The following FAM120A variants were observed in gnomAD, a reference collection of about 807,000 sequenced individuals.
The protein encoded by FAM120A is constitutive coactivator of PPAR-gamma-like protein 1.
In FAM120A, 15 loss-of-function variants were observed where a neutral mutation model predicts 109.7. The observed-to-expected ratio is 0.14, with a 90% CI of 0.09 to 0.21. FAM120A has a LOEUF of 0.21. Ranked by LOEUF, FAM120A falls within the 10% of genes least tolerant of loss-of-function variation. The pLI is 1.00. For missense variants in FAM120A, 899 were observed against 1,439.3 expected (o/e 0.62, Z 6.07); for synonymous variants, 493 against 572.8 (o/e 0.86, Z 1.99).
chr9:93,530,383 C>G (rs183847747), intron 9 of FAM120A: 2 of 152,268 alleles, frequency 1.3e-5, no homozygotes, highest in East Asian at 3.9e-4. Context: ...AACATGAATA[C>G]CTATATGACC....
rs1231535642 is a variant in FAM120A, at chr9:93,518,432, C to CT, written c.1418+2169dup. On this transcript the variant is annotated intron_variant, in intron 7 of 17. Transcript: ENST00000277165. Reference sequence around the variant, plus strand: ...TTATAGTTTAGAAAAAAAGTCACTACTTTTTTACCCTTTGGTTTAGAATTG... The same window carrying CT: ...TTATAGTTTAGAAAAAAAGTCACTACTTTTTTTACCCTTTGGTTTAGAATTG... 2.0e-5 allele frequency among the ~76,000 whole-genome samples: 3 copies of CT among 152,136 alleles called. No homozygotes were observed. In the East Asian group the frequency reaches 5.8e-4, roughly 29 times the overall value.
chr9:93,521,638 A>G (rs1178295570), intron 7 of FAM120A, among the ~76,000 whole-genome samples: 4 of 152,106 alleles, frequency 2.6e-5, no homozygotes, highest in Non-Finnish European at 4.4e-5. Flanking sequence ...TTTCTAAGTA[A>G]TGTCTCCTCC....
intron 12 of FAM120A, among the ~76,000 whole-genome samples, chr9:93,554,172 C>CAT (rs1180068524): frequency 6.8e-6 from 1 of 147,122 alleles, no homozygotes; most frequent in Admixed American, 6.7e-5. Flanking sequence ...CACACACACA[C>CAT]ACACACACTA....
chr9:93,453,232 G>T (rs1009398507), intron 1 of FAM120A: 1 of 996,394 alleles, frequency 1.0e-6, no homozygotes, highest in South Asian at 4.4e-5. Flanking sequence ...GTGACCTTCA[G>T]CGGTGCCCTG....
intron 5 of FAM120A, among the ~76,000 whole-genome samples, chr9:93,511,439 G>T (rs1171516218): frequency 6.6e-6 from 1 of 152,202 alleles, no homozygotes; most frequent in Non-Finnish European, 1.5e-5. Context: ...GGCTTGGCCA[G>T]CCTGACCGGC....
At chr9:93,513,040 G>T (rs1376399124) in intron 5 of FAM120A, among the ~76,000 whole-genome samples, 1 of 152,170 alleles carries the variant, frequency 6.6e-6, no homozygotes, top group Non-Finnish European at 1.5e-5. Flanking sequence ...TTGAATGCGG[G>T]TGCTACATGA....
intron 4 of FAM120A, among the ~76,000 whole-genome samples, chr9:93,497,923 G>C (rs965024019): frequency 6.6e-6 from 1 of 152,238 alleles, no homozygotes; most frequent in African/African-American, 2.4e-5. Context: ...CTGTATTTCA[G>C]AGTTTTCAGA....
At chr9:93,560,933 A>C (rs1437800851) in intron 15 of FAM120A, among the ~76,000 whole-genome samples, 176 bp from the exon 16 acceptor site, 1 of 152,260 alleles carries the variant, frequency 6.6e-6, no homozygotes, top group African/African-American at 2.4e-5. Flanking sequence ...AGTAGTTTAA[A>C]GTCAAACAGT....
Position 93,483,564 on chromosome 9 carries a change from GAAAC to G in FAM120A, c.804+7229_804+7232del, listed in dbSNP as rs200070719. Reference sequence around the variant, plus strand: ...TTCATTTTTATTATAAAAATAATAAGAAACAATTTAATCAGTACAGAAATATGTC... The same window carrying G: ...TTCATTTTTATTATAAAAATAATAAGAATTTAATCAGTACAGAAATATGTC... On this transcript the variant is annotated intron_variant, in intron 3 of 17. Coordinates refer to ENST00000277165, the MANE Select transcript of FAM120A (RefSeq NM_014612.5). Among the ~76,000 whole-genome samples, 948 of 151,972 alleles carry G rather than the reference GAAAC, an allele frequency of 6.2e-3. 12 individuals are homozygous for G. The highest frequency in any genetic ancestry group is 0.021 in the African/African-American group (889 of 41,468).
At chr9:93,477,155 G>C (rs1415181893) in intron 3 of FAM120A, among the ~76,000 whole-genome samples, 2 of 152,142 alleles carry the variant, frequency 1.3e-5, no homozygotes, top group African/African-American at 4.8e-5. Context: ...TTTCCGAAGG[G>C]CTGTAAAATT....
intron 11 of FAM120A, among the ~76,000 whole-genome samples, chr9:93,548,498 A>G (rs1006834466): frequency 6.6e-6 from 1 of 152,184 alleles, no homozygotes; most frequent in African/African-American, 2.4e-5. Flanking sequence ...CTGTGGATGG[A>G]TGATGGTCAT....
chr9:93,458,481 C>A (rs371196115), intron 1 of FAM120A, among the ~76,000 whole-genome samples: 1 of 152,102 alleles, frequency 6.6e-6, no homozygotes, highest in Non-Finnish European at 1.5e-5. Flanking sequence ...TAATGACACA[C>A]CAGGCCAATT....
intron 16 of FAM120A, among the ~76,000 whole-genome samples, chr9:93,561,791 A>G (rs1474720049): frequency 2.0e-5 from 3 of 152,138 alleles, no homozygotes; most frequent in Non-Finnish European, 4.4e-5. Context: ...TAAATAATTA[A>G]CCATACAATT....
chr9:93,474,975 G>T (rs147222567), intron 2 of FAM120A, among the ~76,000 whole-genome samples: 1 of 152,130 alleles, frequency 6.6e-6, no homozygotes. Context: ...GAGCAGTTAC[G>T]GTTCAGATTT....
Position 93,523,455 on chromosome 9 carries a change from TTTATA to T in FAM120A, c.1419-3697_1419-3693del, listed in dbSNP as rs1428396190. On this transcript the variant is annotated intron_variant, in intron 7 of 17. Coordinates refer to ENST00000277165, the MANE Select transcript of FAM120A (RefSeq NM_014612.5). Reference sequence around the variant, plus strand: ...GCTCTTGTTCCAGACAGATATCCACTTTATATTTATGTTTTGACACATGGTACCAT... The same window carrying T: ...GCTCTTGTTCCAGACAGATATCCACTTTTATGTTTTGACACATGGTACCAT... 9 of 302,650 alleles carry T rather than the reference TTTATA, an allele frequency of 3.0e-5. No individual in the cohort carries two copies. In the African/African-American group the frequency reaches 6.3e-4, roughly 21 times the overall value. 18.7% of individuals were successfully genotyped at this position (302,650 alleles called of 1,614,324 possible). A position where few individuals can be genotyped will look rare whatever the true frequency, so the allele number is the denominator to read the frequency against.
Position 93,558,694 on chromosome 9 carries a change from A to G in FAM120A, c.2782A>G (p.Ser928Gly). Reference sequence around the variant, plus strand: ...CGGAGCCTTCTCAGGCAGTGACAGCAGCAGGACTAGCAAGTCCCAGGGCGG... The same window carrying G: ...CGGAGCCTTCTCAGGCAGTGACAGCGGCAGGACTAGCAAGTCCCAGGGCGG... The part of the protein sequence containing the change: ...HCGAFSGSDS[S>G]RTSKSQGGVQ... Residue 928 changes from serine (S) to glycine (G), a missense_variant, in exon 15 of 18, where the codon AGC becomes GGC. Coordinates refer to ENST00000277165, the MANE Select transcript of FAM120A (RefSeq NM_014612.5). 1.2e-6 allele frequency: 2 copies of G among 1,614,088 alleles called. No homozygotes were observed. Among genetic ancestry groups the G allele is most frequent in the Non-Finnish European group, 1.7e-6 (2 of 1,180,008 alleles).
chr9:93,487,575 G>A (rs961596278), intron 3 of FAM120A, among the ~76,000 whole-genome samples: 2 of 152,164 alleles, frequency 1.3e-5, no homozygotes, highest in Non-Finnish European at 2.9e-5. Context: ...GTTACCTTAA[G>A]CAAAGAGTCA....
chr9:93,556,305 G>C, intron 12 of FAM120A, 77 bp from the exon 13 acceptor site: 2 of 1,215,444 alleles, frequency 1.6e-6, no homozygotes, highest in East Asian at 2.3e-5. Flanking sequence ...TAACTTTGGA[G>C]AGTTTTACTA....
At chr9:93,467,873 T>TTC (rs1858120791) in intron 1 of FAM120A, among the ~76,000 whole-genome samples, 1 of 151,948 alleles carries the variant, frequency 6.6e-6, no homozygotes, top group Admixed American at 6.6e-5. Flanking sequence ...TGTTTTTTTG[T>TTC]ATTTTTTTTG....
Sources: allele counts gnomAD v4.1 joint callset (sites outside exome capture counted in the v4.1 genomes callset), GRCh38; gene constraint gnomAD v4.1.1; transcripts MANE v1.5; gene names NCBI Gene and HGNC (gene_info 2026-07-23, HGNC 2026-07-21).